The following DLGAP1 variants were observed in gnomAD, a reference collection of about 807,000 sequenced individuals.
DLGAP1 encodes the protein DLG associated protein 1, also known as disks large-associated protein 1.
A neutral mutation model predicts 90.8 loss-of-function variants in DLGAP1; 11 were observed. That is an observed-to-expected ratio of 0.12 (90% CI 0.08 to 0.20). The LOEUF (loss-of-function observed/expected upper bound fraction) is 0.20, where lower values mean the gene tolerates loss of function less well. DLGAP1 is among the 10% of genes least tolerant of loss of function. The pLI is 1.00. For synonymous variants in DLGAP1, 558 were observed against 540.7 expected, an observed-to-expected ratio of 1.03 and a Z score of -0.44; for missense variants, 1,050 against 1,333.8, an observed-to-expected ratio of 0.79 and a Z score of 3.31.
chr18:4,440,880 T>G (rs191464919), intron 1 of DLGAP1, among the ~76,000 whole-genome samples: 44 of 152,318 alleles, frequency 2.9e-4, no homozygotes, highest in African/African-American at 9.6e-4. Context: ...ATAGCAACAC[T>G]CTAGTATTCT....
intron 3 of DLGAP1, among the ~76,000 whole-genome samples, chr18:3,921,702 A>G (rs2148912425): frequency 6.6e-6 from 1 of 152,342 alleles, no homozygotes; most frequent in South Asian, 2.1e-4. Context: ...GCACAGAAGC[A>G]CATGTTGTAA....
chr18:3,499,315 C>G lies in DLGAP1; in HGVS notation c.2804G>C (p.Ser935Thr). ...APLIRERSLE[S>T]SQRQEARKRL... ...CTTGCGGGCCTCCTGGCGCTGCGAG[C>G]TCTCCAGCGAGCGCTCCCGGATCAG... The change falls in exon 13 of 13, where the codon AGC (serine) becomes ACC (threonine). Residue 935 changes from serine (S) to threonine (T), a missense_variant. Around this residue, in one of 2 missense-constraint regions of DLGAP1, gnomAD observed 565 missense variants for 879.7 expected, o/e 0.64. Transcript: ENST00000315677. The surrounding 1 kb of genome is among the most constrained non-coding windows in gnomAD (Gnocchi z 6.4). The G allele has an allele frequency of 6.4e-7, 1 of 1,573,156 alleles. No homozygotes were observed. The highest frequency in any genetic ancestry group is 8.6e-7 in the Non-Finnish European group (1 of 1,160,364).
intron 1 of DLGAP1, among the ~76,000 whole-genome samples, chr18:4,282,097 G>T (rs2079565032): frequency 6.6e-6 from 1 of 152,180 alleles, no homozygotes; most frequent in African/African-American, 2.4e-5. Context: ...GGGTGAAGGG[G>T]CTCACGCCTG....
At chr18:3,543,863 T>A (rs2052854505) in intron 9 of DLGAP1, among the ~76,000 whole-genome samples, 1 of 152,078 alleles carries the variant, frequency 6.6e-6, no homozygotes, top group Admixed American at 6.6e-5. Context: ...TGGCAGTGTA[T>A]GGAAGAGGAG....
At chr18:3,858,169 G>A (rs992611898) in intron 4 of DLGAP1, among the ~76,000 whole-genome samples, 12 of 152,146 alleles carry the variant, frequency 7.9e-5, no homozygotes, top group African/African-American at 2.9e-4. Context: ...TCAGTTGGAA[G>A]TATTGACAGG....
intron 1 of DLGAP1, among the ~76,000 whole-genome samples, chr18:4,274,244 T>G (rs2079356197): frequency 6.6e-6 from 1 of 152,204 alleles, no homozygotes; most frequent in African/African-American, 2.4e-5. Context: ...TTTTTGGATT[T>G]CTTTTTTAAT....
intron 3 of DLGAP1, among the ~76,000 whole-genome samples, chr18:3,956,925 T>C (rs2073097258): frequency 6.6e-6 from 1 of 152,208 alleles, no homozygotes; most frequent in South Asian, 2.1e-4. Flanking sequence ...GTGCCGGGAT[T>C]ACAGGCATGA....
chr18:3,874,102 T>C, intron 4 of DLGAP1: 2 of 1,547,152 alleles, frequency 1.3e-6, no homozygotes, highest in Non-Finnish European at 1.7e-6. Context: ...ACCATCCAAA[T>C]CAACACCACA....
chr18:3,861,380 A>G (rs2070044813), intron 4 of DLGAP1, among the ~76,000 whole-genome samples: 1 of 152,252 alleles, frequency 6.6e-6, no homozygotes, highest in African/African-American at 2.4e-5. Flanking sequence ...AGGAAAAAGC[A>G]TATAATTTTT....
intron 1 of DLGAP1, among the ~76,000 whole-genome samples, chr18:4,189,115 T>C (rs975742288): frequency 6.6e-6 from 1 of 152,172 alleles, no homozygotes; most frequent in African/African-American, 2.4e-5. Context: ...GAAATAAGAA[T>C]TTCAATTTTG....
chr18:4,280,157 C>G (rs183181053), intron 1 of DLGAP1, among the ~76,000 whole-genome samples: 236 of 152,160 alleles, frequency 1.6e-3, no homozygotes, highest in African/African-American at 5.4e-3. Context: ...ATCTTAATAT[C>G]TGTATAAGTT....
chr18:3,782,073 A>G (rs983733515), intron 5 of DLGAP1, among the ~76,000 whole-genome samples: 3 of 150,930 alleles, frequency 2.0e-5, no homozygotes, highest in Admixed American at 6.6e-5. Flanking sequence ...GCTGTTCCCA[A>G]TGACCATCTT....
intron 2 of DLGAP1, among the ~76,000 whole-genome samples, chr18:4,119,141 G>C (rs1346437285): frequency 1.3e-5 from 2 of 152,174 alleles, no homozygotes; most frequent in African/African-American, 2.4e-5. Flanking sequence ...GTCCAGGCTA[G>C]AGTGCAGTGG....
In DLGAP1 at chr18:4,203,563, C is replaced by T. The variant is rs112190631; in HGVS notation, c.-266-52276G>A. On this transcript the variant is annotated intron_variant, in intron 1 of 12. Transcript: ENST00000315677. Reference sequence around the variant, plus strand: ...GTTTTAGCTTTAAGGTATCTTAAAACGTAGGGGCATTTAAGCTTTTAGATC... The same window carrying T: ...GTTTTAGCTTTAAGGTATCTTAAAATGTAGGGGCATTTAAGCTTTTAGATC... Among the ~76,000 whole-genome samples, 9 of 152,192 alleles carry T rather than the reference C, an allele frequency of 5.9e-5. 1 individual carries two copies. The highest frequency in any genetic ancestry group is 1.9e-4 in the African/African-American group (8 of 41,530).
intron 1 of DLGAP1, among the ~76,000 whole-genome samples, chr18:4,388,385 A>G (rs1033159238): frequency 2.6e-5 from 4 of 152,116 alleles, no homozygotes; most frequent in Non-Finnish European, 5.9e-5. Flanking sequence ...TGTAGGAGGT[A>G]GATGGATATG....
chr18:4,268,423 A>G (rs78579554), intron 1 of DLGAP1, among the ~76,000 whole-genome samples: 3,920 of 152,334 alleles, frequency 0.026, 104 homozygotes, highest in African/African-American at 0.064. Context: ...GAATATAGAC[A>G]GACTGGAGTG....
intron 5 of DLGAP1, among the ~76,000 whole-genome samples, chr18:3,750,375 G>C (rs2063450026): frequency 6.6e-6 from 1 of 152,210 alleles, no homozygotes; most frequent in Non-Finnish European, 1.5e-5. Flanking sequence ...ACTGCTGATA[G>C]GCACCTAGAT....
chr18:4,138,141 T>A (rs969920101), intron 2 of DLGAP1, among the ~76,000 whole-genome samples: 1 of 152,134 alleles, frequency 6.6e-6, no homozygotes, highest in South Asian at 2.1e-4. Context: ...CTTCCAGTAA[T>A]ATGTTGAATA....
At chr18:4,066,506 G>A (rs749050169) in intron 2 of DLGAP1, among the ~76,000 whole-genome samples, 3 of 152,036 alleles carry the variant, frequency 2.0e-5, no homozygotes, top group Non-Finnish European at 4.4e-5. Flanking sequence ...ATTAAAAAGT[G>A]GGCAAAAGAC....
Sources: allele counts gnomAD v4.1 joint callset (sites outside exome capture counted in the v4.1 genomes callset), GRCh38; gene constraint gnomAD v4.1.1; regional missense constraint gnomAD v4.1.1; non-coding constraint Gnocchi (gnomAD v3.1); transcripts MANE v1.5; gene names NCBI Gene and HGNC (gene_info 2026-07-23, HGNC 2026-07-21).